OR2C1: variants seen among roughly 807,000 people sequenced by gnomAD.
OR2C1 encodes the protein olfactory receptor 2C1.
For synonymous variants in OR2C1, 209 were observed against 167.3 expected (o/e 1.25, Z -1.92); for missense variants, 468 against 388.3 (o/e 1.21, Z -1.73).
At chr16:3,344,766 A>G in the OR2C1 span, among the ~76,000 whole-genome samples, 1 of 152,060 alleles carries the variant, frequency 6.6e-6, no homozygotes, top group Admixed American at 6.6e-5. Flanking sequence ...AGTGTTGGGT[A>G]GAACGTGGGA....
chr16:3,322,977 G>A, the OR2C1 span: 1 of 978,042 alleles, frequency 1.0e-6, no homozygotes, highest in Non-Finnish European at 1.2e-6. Context: ...TGTAGAAAAT[G>A]CTGGAATTTT....
In OR2C1 at chr16:3,355,898, C is replaced by T. The variant is rs76084673; in HGVS notation, c.-43C>T. On this transcript the variant is annotated 5_prime_UTR_variant, in exon 1 of 1. Coordinates refer to ENST00000304936, the MANE Select transcript of OR2C1 (RefSeq NM_012368.3). ...TTTTTCTTGACTTTTCTTCCAGCAG[C>T]TTGCGCTAAATGAATTCATCAAGTG... The T allele has an allele frequency of 1.0e-2, 14,299 of 1,435,006 alleles. 104 individuals carry two copies. The highest frequency in any genetic ancestry group is 0.013 in the Non-Finnish European group (13,261 of 1,046,678). The allele number at this position is 1,435,006 out of a possible 1,614,324, so 88.9% of individuals were successfully genotyped here.
At chr16:3,339,155 T>C in the OR2C1 span, among the ~76,000 whole-genome samples, 2 of 152,212 alleles carry the variant, frequency 1.3e-5, no homozygotes, top group Admixed American at 1.3e-4. Flanking sequence ...CTAATGTTTT[T>C]CAGGCTCGTC....
upstream of OR2C1, among the ~76,000 whole-genome samples, chr16:3,352,089 A>T (rs2030581438): frequency 6.6e-6 from 1 of 152,016 alleles, no homozygotes; most frequent in Non-Finnish European, 1.5e-5. Flanking sequence ...TTCCTTAATC[A>T]TGCATTGTAT....
chr16:3,353,213 C>G (rs1038485611), upstream of OR2C1, among the ~76,000 whole-genome samples: 3 of 151,550 alleles, frequency 2.0e-5, no homozygotes, highest in Non-Finnish European at 4.4e-5. Context: ...ATAAGTAGGC[C>G]GGTCGCGGTG....
At chr16:3,348,433 T>G in the OR2C1 span, among the ~76,000 whole-genome samples, 5 of 152,318 alleles carry the variant, frequency 3.3e-5, no homozygotes, top group African/African-American at 1.2e-4. Flanking sequence ...CATTTGCCCT[T>G]GGAGAAATTA....
At chr16:3,329,520 G>C in the OR2C1 span, among the ~76,000 whole-genome samples, 2 of 151,928 alleles carry the variant, frequency 1.3e-5, no homozygotes, top group Admixed American at 1.3e-4. Context: ...CGCGATCTCA[G>C]CTCACTGCAA....
At position 3,356,031 on chromosome 16, in the gene OR2C1, A is replaced by G. The variant is rs2030661888; in HGVS notation, c.91A>G (p.Ile31Val). 1.2e-6 allele frequency: 2 copies of G among 1,613,798 alleles called. No individual in the cohort carries two copies. The highest frequency in any genetic ancestry group is 1.3e-5 in the African/African-American group (1 of 74,880). Residue 31 changes from isoleucine (I) to valine (V), a missense_variant, in exon 1 of 1, where the codon ATC (isoleucine) becomes GTC (valine). Ile to Val is a conservative substitution (Grantham distance 29, BLOSUM62 3). Transcript: ENST00000304936. ...GCTGGAGATGATCTTTTTTATAGCC[A>G]TCCTCTTCTCCTATTTGCTGACCCT... ...PQLEMIFFIAILFSYLLTLLG... is the reference protein window; with the variant it reads ...PQLEMIFFIAVLFSYLLTLLG...
chr16:3,331,659 G>A, the OR2C1 span, among the ~76,000 whole-genome samples: 1 of 151,928 alleles, frequency 6.6e-6, no homozygotes, highest in African/African-American at 2.4e-5. Flanking sequence ...TTTCCCCATT[G>A]CTTGTTTTTG....
chr16:3,323,829 G>A, the OR2C1 span: 1 of 1,161,418 alleles, frequency 8.6e-7, no homozygotes, highest in Non-Finnish European at 1.2e-6. Context: ...AAAAGTGCCT[G>A]CTTTGTCTGA....
the OR2C1 span, among the ~76,000 whole-genome samples, chr16:3,347,155 G>A: frequency 6.9e-6 from 1 of 144,548 alleles, no homozygotes; most frequent in African/African-American, 2.6e-5. Flanking sequence ...GCTGAGGCAG[G>A]TGAATCACTT....
chr16:3,352,994 C>T (rs1169489505), upstream of OR2C1, among the ~76,000 whole-genome samples: 1 of 151,470 alleles, frequency 6.6e-6, no homozygotes, highest in African/African-American at 2.4e-5. Context: ...CTGCCTGCCT[C>T]GGCCTCCCAA....
rs2030695802 is a variant in OR2C1 at position 3,357,172 on chromosome 16, T to C, written c.*293T>C. On this transcript the variant is annotated 3_prime_UTR_variant, in exon 1 of 1. Transcript: ENST00000304936. ...ACCTGTCTCACTGTCTCTGTCTCTGTTGCCCACATGTTATTTAATATGCCT... is the reference window on the plus strand; with the variant it reads ...ACCTGTCTCACTGTCTCTGTCTCTGCTGCCCACATGTTATTTAATATGCCT... The C allele has an allele frequency of 3.0e-6, 1 of 336,548 alleles. No individual in the cohort carries two copies. The highest frequency in any genetic ancestry group is 6.6e-5 in the South Asian group (1 of 15,258). 20.8% of individuals were successfully genotyped at this position (336,548 alleles called of 1,614,324 possible).
chr16:3,354,812 C>A (rs994113731), upstream of OR2C1, among the ~76,000 whole-genome samples: 1 of 152,138 alleles, frequency 6.6e-6, no homozygotes, highest in Admixed American at 6.5e-5. Flanking sequence ...CTCCCTCTGT[C>A]ACTCAGGCAT....
chr16:3,349,069 A>T, the OR2C1 span, among the ~76,000 whole-genome samples: 1 of 152,020 alleles, frequency 6.6e-6, no homozygotes, highest in African/African-American at 2.4e-5. Flanking sequence ...TATATGTTCA[A>T]TTTACTCCTC....
chr16:3,331,198 T>G, the OR2C1 span, among the ~76,000 whole-genome samples: 1 of 152,244 alleles, frequency 6.6e-6, no homozygotes, highest in African/African-American at 2.4e-5. Context: ...TTGAGAAGTG[T>G]CTGTTTATGT....
At chr16:3,336,558 G>A in the OR2C1 span, among the ~76,000 whole-genome samples, 6 of 150,836 alleles carry the variant, frequency 4.0e-5, no homozygotes, top group East Asian at 3.9e-4. Context: ...ATGGAGTTTC[G>A]CCATGTTGAC....
the OR2C1 span, among the ~76,000 whole-genome samples, chr16:3,348,804 T>G: frequency 6.6e-6 from 1 of 152,180 alleles, no homozygotes. Flanking sequence ...TACGTGTTTA[T>G]TGAATAGTGG....
rs1179340944 is a variant in OR2C1 at position 3,356,096 on chromosome 16, G to T, written c.156G>T (p.Glu52Asp). The T allele has an allele frequency of 1.1e-5, 17 of 1,614,058 alleles. No homozygotes were observed. The highest frequency in any genetic ancestry group is 1.4e-5 in the Non-Finnish European group (17 of 1,180,052). Residue 52 changes from glutamate (E) to aspartate (D), a missense_variant, in exon 1 of 1, where the codon GAG becomes GAT. Physicochemically the swap from Glu to Asp is conservative, Grantham distance 45. Transcript: ENST00000304936. ...NSTIILLSRL[E>D]ARLHTPMYFF... is the part of the protein sequence containing the mutation. ...CCATCATCTTGCTTTCCCGCCTGGA[G>T]GCCCGGCTCCATACACCCATGTACT... is the stretch of plus-strand genomic sequence containing the variant.
Sources: allele counts gnomAD v4.1 joint callset (sites outside exome capture counted in the v4.1 genomes callset), GRCh38; gene constraint gnomAD v4.1.1; transcripts MANE v1.5; gene names NCBI Gene and HGNC (gene_info 2026-07-23, HGNC 2026-07-21).